SLC12A5: variants seen among roughly 807,000 people sequenced by gnomAD.
SLC12A5 encodes the protein K-Cl cotransporter 2.
In SLC12A5, 18 loss-of-function variants were observed where a neutral mutation model predicts 124.0. That is an observed-to-expected ratio of 0.15 (90% CI 0.10 to 0.22). The LOEUF (loss-of-function observed/expected upper bound fraction) is 0.22, where lower values mean the gene tolerates loss of function less well. SLC12A5 is among the 10% of genes least tolerant of loss of function. SLC12A5 has a pLI of 1.00. For synonymous variants in SLC12A5, 589 were observed against 568.0 expected, an observed-to-expected ratio of 1.04 and a Z score of -0.53; for missense variants, 867 against 1,478.7, an observed-to-expected ratio of 0.59 and a Z score of 6.78.
intron 11 of SLC12A5, 112 bp downstream of exon 11, chr20:46,044,045 AGGGAGGCCACG>A: frequency 5.0e-6 from 5 of 999,626 alleles, no homozygotes; most frequent in Non-Finnish European, 7.2e-6. Context: ...GGCCTGTGGG[AGGGAGGCCACG>A]GGGATTGCTT....
intron 17 of SLC12A5, among the ~76,000 whole-genome samples, chr20:46,050,796 G>C (rs932459748): frequency 6.6e-6 from 1 of 152,210 alleles, no homozygotes; most frequent in Non-Finnish European, 1.5e-5. Context: ...TACACAGAAG[G>C]CTCTCAGACC....
rs751140061 is a variant in SLC12A5 at position 46,041,382 on chromosome 20, C to G, written c.908C>G (p.Ala303Gly). The change falls in exon 8 of 26, where the codon GCC becomes GGC. Residue 303 changes from alanine (A) to glycine (G), a missense_variant. Transcript: ENST00000243964. ...TCTCGCCATGGCTTTGATGTCTGTG[C>G]CAAGCTGGCTTGGGAAGGAAATGAG... The part of the protein sequence containing the change: ...TLSRHGFDVC[A>G]KLAWEGNETV... 5.6e-6 allele frequency: 9 copies of G among 1,614,044 alleles called. No individual in the cohort carries two copies. Among genetic ancestry groups the G allele is most frequent in the Non-Finnish European group, 7.6e-6 (9 of 1,180,040 alleles).
At chr20:46,035,946 C>T (rs199939350) in intron 4 of SLC12A5, 23 bp downstream of exon 4, 575 of 1,594,796 alleles carry the variant, frequency 3.6e-4, no homozygotes, top group Non-Finnish European at 9.9e-5. Context: ...CCTCCCCTCA[C>T]CACCCCCTGA....
chr20:46,037,439 A>C (rs938432133), intron 6 of SLC12A5, 54 bp downstream of exon 6: 1 of 1,557,260 alleles, frequency 6.4e-7, no homozygotes, highest in East Asian at 2.3e-5. Context: ...TCAGTTAATC[A>C]GTGCTCCCTG....
Position 46,053,640 on chromosome 20 carries a change from G to A in SLC12A5, c.2610G>A (p.Gln870=), listed in dbSNP as rs1266880974. The A allele has an allele frequency of 3.7e-6, 6 of 1,613,818 alleles. No homozygotes were observed. Among genetic ancestry groups the A allele is most frequent in the Non-Finnish European group, 4.2e-6 (5 of 1,179,846 alleles). ...CCCAGATGGATGACAATAGCATCCA[G>A]ATGAAGAAGGATCTGACCACATTTC... is the stretch of plus-strand genomic sequence containing the variant. ...TVAQMDDNSI[Q]MKKDLTTFLY... The change falls in exon 20 of 26, where the codon CAG becomes CAA. Residue 870 remains glutamine, a synonymous_variant. Coordinates refer to ENST00000243964, the MANE Select transcript of SLC12A5 (RefSeq NM_020708.5). This position sits in a 1 kb window ranked among gnomAD's most constrained non-coding sequence, Gnocchi z 4.7.
Position 46,057,779 on chromosome 20 carries a change from C to G in SLC12A5, c.*174C>G. On this transcript the variant is annotated 3_prime_UTR_variant, in exon 26 of 26. Coordinates refer to ENST00000243964, the MANE Select transcript of SLC12A5 (RefSeq NM_020708.5). The surrounding 1 kb of genome is among the most constrained non-coding windows in gnomAD (Gnocchi z 7.1). Reference sequence around the variant, plus strand: ...CCTGTTGGGGCTGATTCGGAGAGGGCGCCCCGCCGCGCAGAGACCAGAGCT... The same window carrying G: ...CCTGTTGGGGCTGATTCGGAGAGGGGGCCCCGCCGCGCAGAGACCAGAGCT... The G allele has an allele frequency of 1.7e-6, 1 of 573,190 alleles. No individual in the cohort carries two copies. The highest frequency in any genetic ancestry group is 2.2e-5 in the South Asian group (1 of 44,836). 35.5% of individuals were successfully genotyped at this position (573,190 alleles called of 1,614,324 possible).
At chr20:46,037,415 C>T in intron 6 of SLC12A5, 30 bp downstream of exon 6, 1 of 1,586,772 alleles carries the variant, frequency 6.3e-7, no homozygotes, top group South Asian at 1.1e-5. Flanking sequence ...AGGTGTGGAA[C>T]CCCAGGTTGT....
chr20:46,035,951 C>T, intron 4 of SLC12A5, 28 bp downstream of exon 4: 1 of 1,590,806 alleles, frequency 6.3e-7, no homozygotes, highest in East Asian at 2.3e-5. Flanking sequence ...CCTCACCACC[C>T]CCTGACAGCT....
At chr20:46,037,197 C>T (rs546638427) in intron 5 of SLC12A5, 58 bp from the exon 6 acceptor site, 135 of 1,540,502 alleles carry the variant, frequency 8.8e-5, no homozygotes, top group Non-Finnish European at 9.1e-5. Flanking sequence ...ACACCCCTCA[C>T]CCCTTACGGC....
chr20:46,032,167 G>T (rs971381469), intron 1 of SLC12A5, among the ~76,000 whole-genome samples: 1 of 152,206 alleles, frequency 6.6e-6, no homozygotes, highest in Non-Finnish European at 1.5e-5. Context: ...GCGGGCGCGC[G>T]GCCGGCTAGG....
rs376919183 is a variant in SLC12A5 at position 46,041,481 on chromosome 20, C to G, written c.1007C>G (p.Thr336Ser). Residue 336 changes from threonine (T) to serine (S), a missense_variant, in exon 8 of 26, where the codon ACC becomes AGC. Physicochemically the swap from Thr to Ser is moderately conservative, Grantham distance 58. Around this residue, in one of 9 missense-constraint regions of SLC12A5, gnomAD observed 127 missense variants for 164.1 expected, o/e 0.77. Transcript: ENST00000243964. ...FLNATCDEYF[T>S]RNNVTEIQGI... ...AACGCCACCTGTGATGAATACTTCA[C>G]CCGAAACAATGTCACAGAGATCCAG... 1 of 1,613,996 alleles carries G rather than the reference C, an allele frequency of 6.2e-7. No individual in the cohort carries two copies. Among genetic ancestry groups the G allele is most frequent in the African/African-American group, 1.3e-5 (1 of 74,938 alleles).
intron 6 of SLC12A5, among the ~76,000 whole-genome samples, chr20:46,039,775 C>CAA (rs139698610): frequency 5.3e-3 from 768 of 144,630 alleles, no homozygotes; most frequent in African/African-American, 0.019. Context: ...AACTTTATTT[C>CAA]AAAAAAAAAA....
chr20:46,056,140 C>T lies in SLC12A5; in HGVS notation c.2788-10C>T. On this transcript the variant is annotated splice_polypyrimidine_tract_variant and intron_variant, in intron 21 of 25. Transcript: ENST00000243964. The surrounding 1 kb of genome is among the most constrained non-coding windows in gnomAD (Gnocchi z 4.3). ...CAGCAGAGCTGGCACCAACCTATGTCACTCCCTAGATCCAGAGTATCACAG... is the reference window on the plus strand; with the variant it reads ...CAGCAGAGCTGGCACCAACCTATGTTACTCCCTAGATCCAGAGTATCACAG... 1 of 1,613,824 alleles carries T rather than the reference C, an allele frequency of 6.2e-7. No homozygotes were observed. The highest frequency in any genetic ancestry group is 1.3e-5 in the African/African-American group (1 of 75,052).
At chr20:46,043,458 G>A (rs1484762337) in intron 9 of SLC12A5, 135 bp downstream of exon 9, 2 of 1,284,974 alleles carry the variant, frequency 1.6e-6, no homozygotes. Flanking sequence ...TCCCATTGGA[G>A]AGATGAGGGA....
chr20:46,056,670 A>T lies in SLC12A5; in HGVS notation c.3110+106A>T, dbSNP rs2084698633. 1.6e-6 allele frequency: 2 copies of T among 1,280,834 alleles called. No individual in the cohort carries two copies. Among genetic ancestry groups the T allele is most frequent in the Non-Finnish European group, 2.2e-6 (2 of 922,986 alleles). 79.3% of individuals were successfully genotyped at this position (1,280,834 alleles called of 1,614,324 possible). ...GGCATCCTGGTCTGTCAGCCTGCAG[A>T]CCCAGCTCAGACATTGTCTTGGTTT... On this transcript the variant is annotated intron_variant, in intron 23 of 25. Coordinates refer to ENST00000243964, the MANE Select transcript of SLC12A5 (RefSeq NM_020708.5). This position sits in a 1 kb window ranked among gnomAD's most constrained non-coding sequence, Gnocchi z 4.3.
intron 7 of SLC12A5, 76 bp downstream of exon 7, chr20:46,040,690 C>A: frequency 6.4e-7 from 1 of 1,570,108 alleles, no homozygotes; most frequent in Non-Finnish European, 8.7e-7. Context: ...CTGCCAAACT[C>A]CCCCTCCCTG....
rs144540341 is a variant in SLC12A5 at position 46,047,837 on chromosome 20, T to A, written c.1908-144T>A. On this transcript the variant is annotated intron_variant, in intron 15 of 25. Coordinates refer to ENST00000243964, the MANE Select transcript of SLC12A5 (RefSeq NM_020708.5). ...CCAAGGAAACTTAGCCAAGGCTTGG[T>A]TGAGTCTGTTGGCAGGAGTGATACA... 494 of 858,956 alleles carry A rather than the reference T, an allele frequency of 5.8e-4. 2 individuals carry two copies. The African/African-American group carries it at 8.0e-3, about 14-fold the overall frequency. 53.2% of individuals were successfully genotyped at this position (858,956 alleles called of 1,614,324 possible).
Position 46,037,298 on chromosome 20 carries a change from G to A in SLC12A5, c.525G>A (p.Glu175=). 6.2e-7 allele frequency: 1 copy of A among 1,612,692 alleles called. No individual in the cohort carries two copies. The highest frequency in any genetic ancestry group is 8.5e-7 in the Non-Finnish European group (1 of 1,179,194). ...TGATTTCCAGGTCTCTGGGCCCAGA[G>A]TTTGGGGGTGCCGTGGGCCTCTGCT... is the stretch of plus-strand genomic sequence containing the variant. ...YYMISRSLGP[E]FGGAVGLCFY... is the part of the protein sequence containing the mutation. The change falls in exon 6 of 26, where the codon GAG becomes GAA. Residue 175 remains glutamate (E), a synonymous_variant. Transcript: ENST00000243964.
Position 46,059,634 on chromosome 20 carries a change from G to C in SLC12A5, c.*2029G>C, listed in dbSNP as rs897459293. 1 of 398,948 alleles carries C rather than the reference G, an allele frequency of 2.5e-6. No homozygotes were observed. 24.7% of individuals were successfully genotyped at this position (398,948 alleles called of 1,614,324 possible). Reference sequence around the variant, plus strand: ...TGGCAAGAGCAAAGTTTCCGTTGATGAAACAGACATCCCACAACAAAAACC... The same window carrying C: ...TGGCAAGAGCAAAGTTTCCGTTGATCAAACAGACATCCCACAACAAAAACC... On this transcript the variant is annotated 3_prime_UTR_variant, in exon 26 of 26. Transcript: ENST00000243964.
Sources: gnomAD v4.1 joint callset for allele counts (sites outside exome capture counted in the v4.1 genomes callset) on GRCh38, gnomAD v4.1.1 for gene constraint, gnomAD v4.1.1 regional missense constraint, Gnocchi (gnomAD v3.1) non-coding constraint, MANE v1.5 for transcripts, NCBI Gene and HGNC (gene_info 2026-07-23, HGNC 2026-07-21) for gene names.